Variants in DOCK1 observed in about 807,000 individuals in gnomAD.
DOCK1 encodes dedicator of cytokinesis protein 1.
DOCK1 carries 138 observed loss-of-function variants against 262.7 expected under a neutral mutation model. The observed-to-expected ratio is 0.53, with a 90% CI of 0.46 to 0.61. The LOEUF (loss-of-function observed/expected upper bound fraction) is 0.61. Ranked by LOEUF, DOCK1 falls within the 20% of genes least tolerant of loss-of-function variation. The pLI is 0.00. For synonymous variants in DOCK1, 866 were observed against 867.4 expected, an observed-to-expected ratio of 1.00 and a Z score of 0.03; for missense variants, 1,908 against 2,370.7, an observed-to-expected ratio of 0.80 and a Z score of 4.05.
At chr10:127,350,988 G>A (rs1173573303) in intron 31 of DOCK1, among the ~76,000 whole-genome samples, 3 of 152,192 alleles carry the variant, frequency 2.0e-5, no homozygotes, top group African/African-American at 7.2e-5. Context: ...TGAGGAGACT[G>A]AGGGTCAGAG....
intron 47 of DOCK1, among the ~76,000 whole-genome samples, chr10:127,431,505 C>A (rs1277425535): frequency 1.3e-5 from 2 of 152,156 alleles, no homozygotes; most frequent in Non-Finnish European, 2.9e-5. Context: ...GGGGATAATC[C>A]CCAAGCAACC....
At chr10:127,400,260 G>C (rs1385061119) in intron 38 of DOCK1, among the ~76,000 whole-genome samples, 1 of 152,002 alleles carries the variant, frequency 6.6e-6, no homozygotes, top group Non-Finnish European at 1.5e-5. Flanking sequence ...AAGTAAAACA[G>C]TGTTCTTAAG....
chr10:126,912,689 G>A (rs1187071995), intron 1 of DOCK1, among the ~76,000 whole-genome samples: 41 of 147,188 alleles, frequency 2.8e-4, no homozygotes, highest in Non-Finnish European at 3.0e-4. Flanking sequence ...TCGCGCCACC[G>A]TACTCCAGCC....
intron 28 of DOCK1, among the ~76,000 whole-genome samples, chr10:127,251,706 T>C (rs1250411187): frequency 6.6e-6 from 1 of 150,934 alleles, no homozygotes; most frequent in Non-Finnish European, 1.5e-5. Context: ...ACAAAGGACA[T>C]GAACTCATCC....
intron 3 of DOCK1, among the ~76,000 whole-genome samples, chr10:126,981,464 C>T (rs942636899): frequency 1.3e-5 from 2 of 152,288 alleles, no homozygotes; most frequent in Non-Finnish European, 2.9e-5. Context: ...AGAGGGCCCC[C>T]CTGTTGGGGA....
Position 126,977,993 on chromosome 10 carries a change from G to GTCCTTCTTCTTA in DOCK1, c.171+6_171+17dup. The GTCCTTCTTCTTA allele has an allele frequency of 6.2e-7, 1 of 1,613,306 alleles. No individual in the cohort carries two copies. Among genetic ancestry groups the GTCCTTCTTCTTA allele is most frequent in the South Asian group, 1.1e-5 (1 of 91,062 alleles). On this transcript the variant is annotated splice_donor_region_variant and intron_variant, in intron 3 of 51. Coordinates refer to ENST00000623213, the MANE Select transcript of DOCK1 (RefSeq NM_001290223.2). ...TTACGAAAAAAGTCTAAGAAGGTAA[G>GTCCTTCTTCTTA]TCCTTCTTCTTAAACACAGTGCATG...
At chr10:127,228,823 A>G (rs750906336) in intron 27 of DOCK1, among the ~76,000 whole-genome samples, 2 of 152,234 alleles carry the variant, frequency 1.3e-5, no homozygotes, top group African/African-American at 2.4e-5. Context: ...ATGTATATTT[A>G]TGATGTACGA....
At chr10:127,127,275 G>C (rs765363600) in intron 26 of DOCK1, among the ~76,000 whole-genome samples, 13 of 152,302 alleles carry the variant, frequency 8.5e-5, no homozygotes, top group Admixed American at 2.0e-4. Flanking sequence ...GACTGTTTAA[G>C]TTATTTGCAT....
chr10:127,059,421 C>T (rs568835934), intron 22 of DOCK1, among the ~76,000 whole-genome samples: 1 of 152,098 alleles, frequency 6.6e-6, no homozygotes, highest in African/African-American at 2.4e-5. Context: ...TTTCTCCTGG[C>T]ACTTCAATTA....
chr10:127,132,771 G>C (rs945541592), intron 27 of DOCK1, among the ~76,000 whole-genome samples: 5 of 152,130 alleles, frequency 3.3e-5, no homozygotes, highest in African/African-American at 4.8e-5. Flanking sequence ...CAAATGATCA[G>C]ATTTACATTC....
chr10:127,259,040 A>T (rs1181423841), intron 29 of DOCK1, among the ~76,000 whole-genome samples: 1 of 152,090 alleles, frequency 6.6e-6, no homozygotes, highest in East Asian at 1.9e-4. Flanking sequence ...AGGGGTAAGC[A>T]TGAGGGAGGG....
At chr10:127,440,259 C>T (rs1459900207) in intron 49 of DOCK1, among the ~76,000 whole-genome samples, 2 of 152,068 alleles carry the variant, frequency 1.3e-5, no homozygotes, top group African/African-American at 4.8e-5. Context: ...ACTGCAAGGA[C>T]AGCACCAAGC....
chr10:127,438,439 C>G (rs554544999), intron 48 of DOCK1, among the ~76,000 whole-genome samples: 2 of 152,242 alleles, frequency 1.3e-5, no homozygotes, highest in South Asian at 4.2e-4. Context: ...CAAGAGTCAC[C>G]CACAGTGGCA....
At chr10:127,127,977 C>T (rs2050071494) in intron 27 of DOCK1, 1 of 365,642 alleles carries the variant, frequency 2.7e-6, no homozygotes, top group Non-Finnish European at 4.9e-6. Flanking sequence ...CTTGTTTTCT[C>T]ATTACTTACT....
At chr10:127,290,864 G>A (rs2061325537) in intron 29 of DOCK1, among the ~76,000 whole-genome samples, 1 of 152,122 alleles carries the variant, frequency 6.6e-6, no homozygotes, top group Non-Finnish European at 1.5e-5. Context: ...GGGTTATTTT[G>A]CATAAAGCTG....
At chr10:127,242,777 T>A (rs1028029355) in intron 27 of DOCK1, among the ~76,000 whole-genome samples, 63 of 152,334 alleles carry the variant, frequency 4.1e-4, no homozygotes, top group African/African-American at 1.4e-3. Flanking sequence ...GAGTGAGATT[T>A]CCTCTTCAAA....
At chr10:127,223,657 CTT>C (rs915348295) in intron 27 of DOCK1, among the ~76,000 whole-genome samples, 1 of 152,208 alleles carries the variant, frequency 6.6e-6, no homozygotes, top group Non-Finnish European at 1.5e-5. Context: ...GGATACTCCA[CTT>C]TTATTCTTAT....
chr10:127,240,324 G>C (rs2059221472), intron 27 of DOCK1, among the ~76,000 whole-genome samples: 1 of 144,194 alleles, frequency 6.9e-6, no homozygotes, highest in Non-Finnish European at 1.5e-5. Context: ...ATAAAATAAA[G>C]AAATTGTAAT....
chr10:127,347,870 T>TTGCAGC (rs2063715268), intron 31 of DOCK1, among the ~76,000 whole-genome samples: 2 of 25,756 alleles, frequency 7.8e-5, no homozygotes, highest in African/African-American at 3.8e-4. Context: ...TTCCCTTCCC[T>TTGCAGC]TCCCTTCCCT....
Sources: gnomAD v4.1 joint callset for allele counts (sites outside exome capture counted in the v4.1 genomes callset) on GRCh38, gnomAD v4.1.1 for gene constraint, MANE v1.5 for transcripts, NCBI Gene and HGNC (gene_info 2026-07-23, HGNC 2026-07-21) for gene names.